PIK3C2G: variants seen among roughly 807,000 people sequenced by gnomAD.
PIK3C2G encodes the protein phosphatidylinositol 3-kinase C2 domain-containing subunit gamma.
A neutral mutation model predicts 181.1 loss-of-function variants in PIK3C2G; 168 were observed. The observed-to-expected ratio is 0.93, with a 90% CI of 0.82 to 1.05. PIK3C2G has a LOEUF of 1.05. Among genes scored for constraint, PIK3C2G ranks in the 50% least tolerant of loss-of-function variants. The pLI, the probability that PIK3C2G is intolerant of heterozygous loss-of-function variation, is 0.00. For missense variants in PIK3C2G, 1,869 were observed against 1,732.8 expected, an observed-to-expected ratio of 1.08 and a Z score of -1.40; for synonymous variants, 573 against 592.2, an observed-to-expected ratio of 0.97 and a Z score of 0.47.
chr12:18,699,817 G>A, the PIK3C2G span: 1 of 1,613,292 alleles, frequency 6.2e-7, no homozygotes, highest in East Asian at 2.2e-5. Context: ...AAGTTTTCGG[G>A]CTTGTGTCTC....
intron 12 of PIK3C2G, among the ~76,000 whole-genome samples, chr12:18,365,644 G>A (rs1218118270): frequency 6.6e-6 from 1 of 152,038 alleles, no homozygotes; most frequent in African/African-American, 2.4e-5. Flanking sequence ...TATGATCTTA[G>A]CCCTTAACCC....
In PIK3C2G at chr12:18,611,110, C is replaced by T. The variant is rs965237766; in HGVS notation, c.4182+1481C>T. Among the ~76,000 whole-genome samples, 7 of 152,024 alleles carry T rather than the reference C, an allele frequency of 4.6e-5. 1 individual carries two copies. The highest frequency in any genetic ancestry group is 3.9e-4 in the Admixed American group (6 of 15,244). On this transcript the variant is annotated intron_variant, in intron 31 of 32. Transcript: ENST00000538779. ...TGACAGTTTTCAAAAATGCATTTTACACTCAGATGAAATTACAGTACCAAT... is the reference window on the plus strand; with the variant it reads ...TGACAGTTTTCAAAAATGCATTTTATACTCAGATGAAATTACAGTACCAAT...
At chr12:18,257,969 C>T (rs1948165148), upstream of PIK3C2G, among the ~76,000 whole-genome samples, 1 of 152,188 alleles carries the variant, frequency 6.6e-6, no homozygotes, top group Non-Finnish European at 1.5e-5. Context: ...AACCAACTCT[C>T]ATCCTGACTC....
At chr12:18,421,647 T>C (rs1433773789) in intron 17 of PIK3C2G, among the ~76,000 whole-genome samples, 1 of 152,054 alleles carries the variant, frequency 6.6e-6, no homozygotes, top group Non-Finnish European at 1.5e-5. Context: ...GAGTATCTAA[T>C]AGATATAGAA....
chr12:18,265,965 G>C (rs755101976), intron 1 of PIK3C2G, among the ~76,000 whole-genome samples: 4 of 132,702 alleles, frequency 3.0e-5, no homozygotes, highest in African/African-American at 1.1e-4. Flanking sequence ...AGTGAGCCGA[G>C]ATCGTGCCAT....
chr12:18,495,937 T>A (rs1264133779), intron 20 of PIK3C2G, 125 bp from the exon 21 acceptor site: 2 of 507,538 alleles, frequency 3.9e-6, no homozygotes, highest in East Asian at 3.4e-5. Context: ...ATTATTCATA[T>A]GTGTTACATT....
rs12230515 is a variant in PIK3C2G at position 18,603,352 on chromosome 12, G to C, written c.4088-6183G>C. ...AAAAGAAAAAGAAAATATGAACAAAGCCTCCAAGAAGTCTGGGATTATGTT... is the reference window on the plus strand; with the variant it reads ...AAAAGAAAAAGAAAATATGAACAAACCCTCCAAGAAGTCTGGGATTATGTT... On this transcript the variant is annotated intron_variant, in intron 30 of 32. Transcript: ENST00000538779. Among the ~76,000 whole-genome samples the C allele has an allele frequency of 4.1e-3, 626 of 152,104 alleles. 16 individuals are homozygous for C. In the East Asian group the frequency reaches 0.074, roughly 18 times the overall value.
intron 31 of PIK3C2G, among the ~76,000 whole-genome samples, chr12:18,620,417 A>G (rs1948802046): frequency 6.6e-6 from 1 of 152,094 alleles, no homozygotes; most frequent in African/African-American, 2.4e-5. Context: ...TCTTTTGATT[A>G]ATATTAGCAT....
At chr12:18,655,074 T>G in the PIK3C2G span, among the ~76,000 whole-genome samples, 1 of 151,658 alleles carries the variant, frequency 6.6e-6, no homozygotes, top group Non-Finnish European at 1.5e-5. Context: ...TACCAGAGGC[T>G]TTTGATGTTT....
chr12:18,265,078 G>C (rs998319464), intron 1 of PIK3C2G, among the ~76,000 whole-genome samples: 1 of 152,118 alleles, frequency 6.6e-6, no homozygotes, highest in Non-Finnish European at 1.5e-5. Context: ...GGTTGTGTGT[G>C]TTTCTATATT....
At chr12:18,503,098 G>C (rs1425488086) in intron 22 of PIK3C2G, among the ~76,000 whole-genome samples, 183 bp from the exon 23 acceptor site, 1 of 152,118 alleles carries the variant, frequency 6.6e-6, no homozygotes, top group Non-Finnish European at 1.5e-5. Flanking sequence ...TAGCCTCATT[G>C]TTCTCCAGGA....
At chr12:18,555,018 G>A (rs79504335) in intron 26 of PIK3C2G, among the ~76,000 whole-genome samples, 6,793 of 152,114 alleles carry the variant, frequency 0.045, 336 homozygotes, top group African/African-American at 0.13. Context: ...AACTCTTCCT[G>A]TATTTATATA....
the PIK3C2G span, among the ~76,000 whole-genome samples, chr12:18,681,335 ATCT>A: frequency 6.6e-6 from 1 of 152,026 alleles, no homozygotes; most frequent in African/African-American, 2.4e-5. Context: ...AGTTTAAAAA[ATCT>A]TCTGTTGCCA....
intron 14 of PIK3C2G, among the ~76,000 whole-genome samples, chr12:18,382,415 G>C (rs1049499324): frequency 1.3e-5 from 2 of 152,108 alleles, no homozygotes; most frequent in African/African-American, 4.8e-5. Flanking sequence ...TTCAGCCTTT[G>C]GTCCTTACTG....
intron 18 of PIK3C2G, among the ~76,000 whole-genome samples, chr12:18,461,997 C>T (rs1436574774): frequency 1.3e-5 from 2 of 152,178 alleles, no homozygotes; most frequent in East Asian, 3.9e-4. Context: ...CCCTCTGACC[C>T]ATCTGCCTCC....
chr12:18,615,116 C>T (rs1296719906), intron 31 of PIK3C2G, among the ~76,000 whole-genome samples: 1 of 151,962 alleles, frequency 6.6e-6, no homozygotes, highest in Non-Finnish European at 1.5e-5. Flanking sequence ...ATTTCTCACC[C>T]ACTTCCCACC....
At chr12:18,402,068 T>C (rs1172738667) in intron 16 of PIK3C2G, among the ~76,000 whole-genome samples, 1 of 152,132 alleles carries the variant, frequency 6.6e-6, no homozygotes, top group African/African-American at 2.4e-5. Flanking sequence ...CAAAAACTCA[T>C]GCACGCATGT....
intron 28 of PIK3C2G, among the ~76,000 whole-genome samples, chr12:18,566,563 C>T (rs1945647395): frequency 6.6e-6 from 1 of 152,136 alleles, no homozygotes. Context: ...GTAATGGTGT[C>T]TCTAGTGAAC....
intron 29 of PIK3C2G, among the ~76,000 whole-genome samples, chr12:18,587,933 G>T (rs535890335): frequency 6.6e-6 from 1 of 151,124 alleles, no homozygotes; most frequent in Non-Finnish European, 1.5e-5. Context: ...ACAGAATAAC[G>T]AGCCCAGAAA....
Sources: allele counts gnomAD v4.1 joint callset (sites outside exome capture counted in the v4.1 genomes callset), GRCh38; gene constraint gnomAD v4.1.1; transcripts MANE v1.5; gene names NCBI Gene and HGNC (gene_info 2026-07-23, HGNC 2026-07-21).